RALA: variants seen among roughly 807,000 people sequenced by gnomAD.
RALA encodes ras-related protein Ral-A.
In RALA, 5 loss-of-function variants were observed where a neutral mutation model predicts 24.0. The observed-to-expected ratio is 0.21, with a 90% CI of 0.11 to 0.44. The LOEUF is 0.44. RALA is among the 20% of genes least tolerant of loss of function. The pLI is 0.99. For missense variants in RALA, 95 were observed against 241.2 expected (o/e 0.39, Z 4.01); for synonymous variants, 77 against 83.8 (o/e 0.92, Z 0.44).
intron 1 of RALA, among the ~76,000 whole-genome samples, chr7:39,648,940 T>C (rs1791973969): frequency 6.6e-6 from 1 of 152,098 alleles, no homozygotes; most frequent in African/African-American, 2.4e-5. Context: ...GCGCCTGTAA[T>C]CCCAGCTACT....
At chr7:39,671,549 T>C (rs1330644031) in intron 1 of RALA, among the ~76,000 whole-genome samples, 1 of 152,198 alleles carries the variant, frequency 6.6e-6, no homozygotes, top group Non-Finnish European at 1.5e-5. Flanking sequence ...ATCTTACATA[T>C]GCTGTTTTAT....
rs116736358 is a variant in RALA at position 39,702,034 on chromosome 7, G to C, written c.499-4089G>C. 5.0e-4 allele frequency among the ~76,000 whole-genome samples: 76 copies of C among 152,352 alleles called. No individual in the cohort carries two copies. In the Middle Eastern group the frequency reaches 0.01, roughly 20 times the overall value. On this transcript the variant is annotated intron_variant, in intron 4 of 4. Coordinates refer to ENST00000005257, the MANE Select transcript of RALA (RefSeq NM_005402.4). ...ATATTAACAGATGTCCAAAGGGGCAGTGTGATTTATTATGTCAAGAGAATC... is the reference window on the plus strand; with the variant it reads ...ATATTAACAGATGTCCAAAGGGGCACTGTGATTTATTATGTCAAGAGAATC...
chr7:39,634,701 T>C (rs886234649), intron 1 of RALA, among the ~76,000 whole-genome samples: 5 of 152,216 alleles, frequency 3.3e-5, no homozygotes, highest in African/African-American at 1.2e-4. Flanking sequence ...CGGTGCCTGC[T>C]ACTTCATTCT....
intron 1 of RALA, among the ~76,000 whole-genome samples, chr7:39,662,161 A>C (rs1313298137): frequency 6.6e-6 from 1 of 152,096 alleles, no homozygotes; most frequent in Non-Finnish European, 1.5e-5. Context: ...CCAGCTTTTG[A>C]AACCATTTTT....
intron 1 of RALA, among the ~76,000 whole-genome samples, chr7:39,684,417 G>A (rs756462932): frequency 1.3e-5 from 2 of 152,106 alleles, no homozygotes; most frequent in African/African-American, 2.4e-5. Flanking sequence ...GTAGGATTAT[G>A]GGGGATTTTT....
intron 1 of RALA, among the ~76,000 whole-genome samples, chr7:39,675,106 G>A (rs1183038045): frequency 6.6e-6 from 1 of 152,120 alleles, no homozygotes; most frequent in Non-Finnish European, 1.5e-5. Context: ...GATTACAGGC[G>A]TGAGCCAGTT....
At chr7:39,691,241 T>C (rs1164243220) in intron 3 of RALA, among the ~76,000 whole-genome samples, 1 of 152,106 alleles carries the variant, frequency 6.6e-6, no homozygotes, top group Non-Finnish European at 1.5e-5. Flanking sequence ...CTCCTCTATA[T>C]TTAAGAGGTA....
intron 1 of RALA, among the ~76,000 whole-genome samples, chr7:39,668,927 G>A (rs1311353122): frequency 1.4e-5 from 2 of 147,870 alleles, no homozygotes; most frequent in East Asian, 2.0e-4. Flanking sequence ...CATCCAGGCC[G>A]ACATGGTGAA....
intron 1 of RALA, among the ~76,000 whole-genome samples, chr7:39,634,000 C>G (rs1293003237): frequency 6.6e-6 from 1 of 152,184 alleles, no homozygotes; most frequent in Non-Finnish European, 1.5e-5. Context: ...CCTGTGTGAA[C>G]TCTCAGACCA....
intron 1 of RALA, among the ~76,000 whole-genome samples, chr7:39,664,417 C>A (rs568009614): frequency 6.6e-6 from 1 of 152,254 alleles, no homozygotes; most frequent in African/African-American, 2.4e-5. Flanking sequence ...TTTTAAAGTT[C>A]TTTTGATATT....
At chr7:39,699,124 T>TA (rs1792973261) in intron 4 of RALA, among the ~76,000 whole-genome samples, 1 of 98,256 alleles carries the variant, frequency 1.0e-5, no homozygotes, top group African/African-American at 4.9e-5. Flanking sequence ...AAATGTTATT[T>TA]TTTTTTTTTT....
intron 1 of RALA, among the ~76,000 whole-genome samples, chr7:39,627,340 G>T (rs549760160): frequency 6.6e-6 from 1 of 152,090 alleles, no homozygotes; most frequent in East Asian, 1.9e-4. Flanking sequence ...AAGTCAAGAG[G>T]GTAGTCTTTA....
chr7:39,696,598 A>T, intron 3 of RALA, 87 bp from the exon 4 acceptor site: 1 of 1,078,750 alleles, frequency 9.3e-7, no homozygotes, highest in Non-Finnish European at 1.3e-6. Flanking sequence ...GATGTTAACA[A>T]TAGGGAAAAA....
intron 1 of RALA, among the ~76,000 whole-genome samples, chr7:39,659,277 C>G (rs1180974463): frequency 6.6e-6 from 1 of 152,028 alleles, no homozygotes; most frequent in East Asian, 1.9e-4. Context: ...GAGAGAGACT[C>G]TGTCTCAAAA....
chr7:39,624,762 G>GT (rs1031014973), intron 1 of RALA, among the ~76,000 whole-genome samples: 3 of 152,154 alleles, frequency 2.0e-5, no homozygotes, highest in African/African-American at 7.2e-5. Flanking sequence ...ATTGTGTGGT[G>GT]TGGGGGGGGA....
intron 1 of RALA, among the ~76,000 whole-genome samples, chr7:39,624,704 TC>T (rs1791450002): frequency 6.6e-6 from 1 of 152,068 alleles, no homozygotes; most frequent in African/African-American, 2.4e-5. Context: ...GTGTGAGAAG[TC>T]CCGTGCCACG....
intron 1 of RALA, among the ~76,000 whole-genome samples, chr7:39,677,551 G>T: frequency 1.5e-5 from 1 of 64,640 alleles, no homozygotes. Flanking sequence ...ATGATTTATA[G>T]TCATTTGGGT....
intron 1 of RALA, among the ~76,000 whole-genome samples, chr7:39,653,958 G>T (rs1792057532): frequency 6.6e-6 from 1 of 152,200 alleles, no homozygotes; most frequent in Admixed American, 6.5e-5. Context: ...AACTGAGAAA[G>T]ATAGCTCTCA....
Position 39,706,189 on chromosome 7 carries a change from A to G in RALA, c.565A>G (p.Lys189Glu). The change falls in exon 5 of 5, where the codon AAA becomes GAA. Residue 189 changes from lysine (K) to glutamate (E), a missense_variant. Lys to Glu is a moderately conservative substitution (Grantham distance 56). Coordinates refer to ENST00000005257, the MANE Select transcript of RALA (RefSeq NM_005402.4). ...KMEDSKEKNG[K>E]KKRKSLAKRI... ...GGAAGACAGCAAAGAAAAGAATGGA[A>G]AAAAGAAGAGGAAAAGTTTAGCCAA... The G allele has an allele frequency of 6.2e-7, 1 of 1,610,398 alleles. No homozygotes were observed. The highest frequency in any genetic ancestry group is 8.5e-7 in the Non-Finnish European group (1 of 1,179,246).
Sources: allele counts gnomAD v4.1 joint callset (sites outside exome capture counted in the v4.1 genomes callset), GRCh38; gene constraint gnomAD v4.1.1; transcripts MANE v1.5; gene names NCBI Gene and HGNC (gene_info 2026-07-23, HGNC 2026-07-21).